Variants in NRXN3 observed in about 807,000 individuals in gnomAD.
NRXN3 encodes neurexin 3.
Under a neutral mutation model 137.6 loss-of-function variants are expected in NRXN3, and 32 were observed. The observed-to-expected ratio is 0.23, with a 90% CI of 0.18 to 0.31. The LOEUF (loss-of-function observed/expected upper bound fraction) is 0.31. Ranked by LOEUF, NRXN3 falls within the 10% of genes least tolerant of loss-of-function variation. The probability of loss-of-function intolerance (pLI) is 1.00; values close to 1 mark genes in which losing one functional copy is unlikely to be tolerated. For synonymous variants in NRXN3, 798 were observed against 784.5 expected, an observed-to-expected ratio of 1.02 and a Z score of -0.29; for missense variants, 1,574 against 2,062.5, an observed-to-expected ratio of 0.76 and a Z score of 4.59.
chr14:78,439,527 G>A (rs2094176778), intron 4 of NRXN3, among the ~76,000 whole-genome samples: 1 of 152,212 alleles, frequency 6.6e-6, no homozygotes, highest in African/African-American at 2.4e-5. Context: ...ATTGCCTGTG[G>A]TCACGCAGCT....
intron 15 of NRXN3, among the ~76,000 whole-genome samples, chr14:78,996,443 A>G (rs554469756): frequency 6.6e-6 from 1 of 152,216 alleles, no homozygotes; most frequent in South Asian, 2.1e-4. Context: ...TTAATGCCTC[A>G]GGGAAAGTTT....
chr14:79,257,388 A>G (rs368873054), intron 15 of NRXN3, among the ~76,000 whole-genome samples: 11,933 of 31,116 alleles, frequency 0.38, 80 homozygotes, highest in South Asian at 0.43. Flanking sequence ...GGTGGTGGTG[A>G]TGGTGGTGGT....
chr14:78,994,267 A>G (rs1472335243), intron 15 of NRXN3, among the ~76,000 whole-genome samples: 2 of 152,144 alleles, frequency 1.3e-5, no homozygotes, highest in Non-Finnish European at 2.9e-5. Context: ...GTCACTGTTA[A>G]CATTCTGCAT....
intron 2 of NRXN3, among the ~76,000 whole-genome samples, 193 bp from the exon 3 acceptor site, chr14:78,278,452 C>T (rs1192106994): frequency 2.0e-5 from 3 of 152,164 alleles, no homozygotes; most frequent in Non-Finnish European, 4.4e-5. Flanking sequence ...GGCCCCTCGG[C>T]TTGCATGGGT....
chr14:78,876,746 A>G (rs1162806652), intron 10 of NRXN3, among the ~76,000 whole-genome samples: 3 of 152,208 alleles, frequency 2.0e-5, no homozygotes, highest in African/African-American at 7.2e-5. Flanking sequence ...TGTTTCTCAT[A>G]TGTACAGATA....
At chr14:78,916,170 G>T (rs1212069172) in intron 10 of NRXN3, among the ~76,000 whole-genome samples, 1 of 152,008 alleles carries the variant, frequency 6.6e-6, no homozygotes, top group Non-Finnish European at 1.5e-5. Context: ...ATCACAAAAA[G>T]GGGCACTATT....
chr14:78,468,960 G>A (rs1340720918), intron 4 of NRXN3, among the ~76,000 whole-genome samples: 1 of 152,122 alleles, frequency 6.6e-6, no homozygotes, highest in Admixed American at 6.5e-5. Flanking sequence ...GAGATGGTCA[G>A]CAGGAAAAGT....
At chr14:79,074,934 C>T (rs974279964) in intron 15 of NRXN3, among the ~76,000 whole-genome samples, 3 of 152,116 alleles carry the variant, frequency 2.0e-5, no homozygotes, top group African/African-American at 7.2e-5. Flanking sequence ...ATCAAGTCCC[C>T]CTTGGGCACA....
intron 15 of NRXN3, among the ~76,000 whole-genome samples, chr14:79,262,899 C>A (rs2077854020): frequency 6.6e-6 from 1 of 152,116 alleles, no homozygotes; most frequent in Non-Finnish European, 1.5e-5. Context: ...ACTTTATCAT[C>A]TTTTAGGGCC....
chr14:79,825,473 C>G (rs1236804921), intron 20 of NRXN3, among the ~76,000 whole-genome samples: 1 of 152,036 alleles, frequency 6.6e-6, no homozygotes, highest in Non-Finnish European at 1.5e-5. Flanking sequence ...GGAGAAAAGC[C>G]CTGTTTTAAA....
chr14:78,481,424 C>G (rs2095471965), intron 4 of NRXN3, among the ~76,000 whole-genome samples: 1 of 152,128 alleles, frequency 6.6e-6, no homozygotes, highest in South Asian at 2.1e-4. Context: ...AGAATCCTCT[C>G]CCAGGCAGAA....
chr14:79,431,815 C>A (rs148356072), intron 15 of NRXN3, among the ~76,000 whole-genome samples: 64 of 152,174 alleles, frequency 4.2e-4, no homozygotes, highest in African/African-American at 1.4e-3. Flanking sequence ...TATTAATAGA[C>A]TTCTAATTTA....
intron 16 of NRXN3, among the ~76,000 whole-genome samples, chr14:79,468,743 T>C (rs558599145): frequency 6.6e-6 from 1 of 152,326 alleles, no homozygotes; most frequent in South Asian, 2.1e-4. Context: ...GTCCTAGGCT[T>C]GAGCTGGAAG....
intron 16 of NRXN3, among the ~76,000 whole-genome samples, chr14:79,660,086 G>A (rs2098526126): frequency 6.6e-6 from 1 of 152,050 alleles, no homozygotes; most frequent in Admixed American, 6.6e-5. Flanking sequence ...ATTTGCCCAA[G>A]GTCAGTCAGG....
intron 4 of NRXN3, among the ~76,000 whole-genome samples, chr14:78,539,625 TCTTA>T (rs369770787): frequency 6.6e-6 from 1 of 152,214 alleles, no homozygotes; most frequent in African/African-American, 2.4e-5. Context: ...TCTTCCCTGA[TCTTA>T]CTTATCTCTT....
In NRXN3 at chr14:79,862,947, A is replaced by AAAAC. The variant is rs984764435; in HGVS notation, c.*985_*988dup. On this transcript the variant is annotated 3_prime_UTR_variant, in exon 21 of 21. Coordinates refer to ENST00000335750, the MANE Select transcript of NRXN3 (RefSeq NM_001330195.2). ...GTTAAAGAGGAAAGCCCCACAAACT[A>AAAAC]AAACAGCCTTTCCTAGGGAAGAGGA... 1.4e-4 allele frequency: 22 copies of AAAAC among 152,642 alleles called. No individual in the cohort carries two copies. Among genetic ancestry groups the AAAAC allele is most frequent in the Admixed American group, 1.3e-3 (20 of 15,310 alleles). The allele number at this position is 152,642 out of a possible 1,614,324, so 9.5% of individuals were successfully genotyped here. A position where few individuals can be genotyped will look rare whatever the true frequency, so the allele number is the denominator to read the frequency against.
At chr14:78,183,815 TAACATTTG>T (rs1346008956) in intron 1 of NRXN3, among the ~76,000 whole-genome samples, 1 of 152,192 alleles carries the variant, frequency 6.6e-6, no homozygotes, top group Non-Finnish European at 1.5e-5. Flanking sequence ...CTGATGAGAC[TAACATTTG>T]AAAGCAATAG....
intron 15 of NRXN3, among the ~76,000 whole-genome samples, chr14:79,064,939 C>T (rs1235496105): frequency 6.6e-6 from 1 of 150,890 alleles, no homozygotes; most frequent in Non-Finnish European, 1.5e-5. Context: ...GTATATTTTT[C>T]TTCTCTAAAA....
intron 19 of NRXN3, among the ~76,000 whole-genome samples, chr14:79,713,854 C>T (rs1316896356): frequency 6.6e-6 from 1 of 151,720 alleles, no homozygotes; most frequent in Admixed American, 6.6e-5. Context: ...AGCATAAGCT[C>T]ATTCCTCTGC....
Sources: gnomAD v4.1 joint callset for allele counts (sites outside exome capture counted in the v4.1 genomes callset) on GRCh38, gnomAD v4.1.1 for gene constraint, MANE v1.5 for transcripts, NCBI Gene and HGNC (gene_info 2026-07-23, HGNC 2026-07-21) for gene names.